CTNNA2: variants seen among roughly 807,000 people sequenced by gnomAD.
The protein encoded by CTNNA2 is catenin alpha-2.
In CTNNA2, 42 loss-of-function variants were observed where a neutral mutation model predicts 101.0. The ratio of observed to expected loss-of-function variants is 0.42; its 90% CI spans 0.32 to 0.54. CTNNA2 has a LOEUF of 0.54. CTNNA2 is among the 20% of genes least tolerant of loss of function. CTNNA2 has a pLI of 0.14. For missense variants in CTNNA2, 871 were observed against 1,223.1 expected (o/e 0.71, Z 4.29); for synonymous variants, 450 against 456.4 (o/e 0.99, Z 0.18).
intron 15 of CTNNA2, among the ~76,000 whole-genome samples, chr2:80,599,615 TTG>T (rs1697290038): frequency 6.6e-6 from 1 of 152,146 alleles, no homozygotes; most frequent in South Asian, 2.1e-4. Flanking sequence ...GTCACTAACT[TTG>T]TGCTCATTTA....
intron 2 of CTNNA2, among the ~76,000 whole-genome samples, chr2:79,228,188 C>G (rs1403542508): frequency 1.3e-5 from 2 of 152,162 alleles, no homozygotes; most frequent in Non-Finnish European, 2.9e-5. Context: ...TATGTCCTTG[C>G]TATTGTGAAT....
At chr2:79,460,563 T>A (rs1305353798) in intron 4 of CTNNA2, among the ~76,000 whole-genome samples, 1 of 152,208 alleles carries the variant, frequency 6.6e-6, no homozygotes, top group African/African-American at 2.4e-5. Context: ...CTCACCCGAA[T>A]TATTACTTCC....
At chr2:79,468,148 G>A (rs565254537) in intron 4 of CTNNA2, among the ~76,000 whole-genome samples, 58 of 152,230 alleles carry the variant, frequency 3.8e-4, no homozygotes, top group African/African-American at 1.3e-3. Context: ...TACATGCAGA[G>A]ACACACATAG....
intron 9 of CTNNA2, 82 bp from the exon 10 acceptor site, chr2:80,544,900 G>A: frequency 8.6e-7 from 1 of 1,162,338 alleles, no homozygotes. Context: ...AGAGACATCT[G>A]CCAGAGAAGG....
At chr2:80,063,558 TAC>T (rs1297347784) in intron 7 of CTNNA2, among the ~76,000 whole-genome samples, 1 of 152,252 alleles carries the variant, frequency 6.6e-6, no homozygotes, top group Non-Finnish European at 1.5e-5. Context: ...CGTAACTGTC[TAC>T]AGTTAGGACT....
At chr2:79,668,179 G>C (rs1056500915) in intron 2 of CTNNA2, among the ~76,000 whole-genome samples, 14 of 144,318 alleles carry the variant, frequency 9.7e-5, no homozygotes, top group African/African-American at 3.3e-4. Context: ...AGTGGAGCTT[G>C]CAGTGAGCCG....
At chr2:80,327,581 A>G (rs1670925348) in intron 7 of CTNNA2, among the ~76,000 whole-genome samples, 1 of 152,200 alleles carries the variant, frequency 6.6e-6, no homozygotes, top group South Asian at 2.1e-4. Context: ...CTTGATTATT[A>G]CTGTCATCAT....
Position 79,982,218 on chromosome 2 carries a change from ATATATATATATATATATATATATG to A in CTNNA2, c.1056+72425_1056+72448del, listed in dbSNP as rs1229922697. On this transcript the variant is annotated intron_variant, in intron 7 of 18. Transcript: ENST00000402739. ...TATATATATATATATATATATATAT[ATATATATATATATATATATATATG>A]TATGTATATGTACACACACACATAA... Among the ~76,000 whole-genome samples, 92 of 40,372 alleles carry A rather than the reference ATATATATATATATATATATATATG, an allele frequency of 2.3e-3. 6 individuals carry two copies. In the East Asian group the frequency reaches 0.024, roughly 10 times the overall value. The allele number at this position is 40,372 out of a possible 152,430, so 26.5% of individuals were successfully genotyped here. A position where few individuals can be genotyped will look rare whatever the true frequency, so the allele number is the denominator to read the frequency against.
chr2:80,602,279 A>G (rs1387832444), intron 15 of CTNNA2, among the ~76,000 whole-genome samples: 1 of 151,892 alleles, frequency 6.6e-6, no homozygotes. Flanking sequence ...TTCTTTGTCT[A>G]CAATATGGGG....
At chr2:79,780,332 A>C (rs1180307815) in intron 3 of CTNNA2, among the ~76,000 whole-genome samples, 1 of 152,220 alleles carries the variant, frequency 6.6e-6, no homozygotes, top group East Asian at 1.9e-4. Flanking sequence ...TCTGGCTCAG[A>C]ATAAATCTCT....
intron 2 of CTNNA2, among the ~76,000 whole-genome samples, chr2:79,690,418 C>A (rs555859125): frequency 6.6e-6 from 1 of 151,892 alleles, no homozygotes; most frequent in African/African-American, 2.4e-5. Context: ...TATTTCCATA[C>A]GAAAGGAAAT....
chr2:80,376,724 C>T (rs931691951), intron 7 of CTNNA2, among the ~76,000 whole-genome samples: 1 of 152,168 alleles, frequency 6.6e-6, no homozygotes, highest in African/African-American at 2.4e-5. Context: ...CAATTCCCTT[C>T]GAGGACTCCC....
At chr2:79,222,490 C>A (rs1283699866) in intron 2 of CTNNA2, among the ~76,000 whole-genome samples, 1 of 152,160 alleles carries the variant, frequency 6.6e-6, no homozygotes, top group Admixed American at 6.5e-5. Context: ...GCGAGCTGAC[C>A]CATCCAGCTT....
At chr2:80,190,916 G>T (rs1706459824) in intron 7 of CTNNA2, among the ~76,000 whole-genome samples, 1 of 152,118 alleles carries the variant, frequency 6.6e-6, no homozygotes, top group South Asian at 2.1e-4. Context: ...TTTATCCTAT[G>T]AGCTGTCCTG....
intron 2 of CTNNA2, among the ~76,000 whole-genome samples, chr2:79,706,853 G>A (rs780720934): frequency 7.2e-5 from 11 of 152,034 alleles, no homozygotes; most frequent in Non-Finnish European, 1.3e-4. Flanking sequence ...TTATTTCTTT[G>A]AAGTTCATTG....
intron 4 of CTNNA2, among the ~76,000 whole-genome samples, chr2:79,869,386 A>G (rs1682409688): frequency 6.6e-6 from 1 of 152,238 alleles, no homozygotes; most frequent in Admixed American, 6.5e-5. Flanking sequence ...TTGCAGATTC[A>G]TGCTGTCCTA....
chr2:79,899,750 A>G (rs1472240808), intron 6 of CTNNA2, among the ~76,000 whole-genome samples: 3 of 152,234 alleles, frequency 2.0e-5, no homozygotes, highest in Non-Finnish European at 2.9e-5. Context: ...AAAGTTATTT[A>G]TAAAATACTT....
At position 80,407,601 on chromosome 2, in the gene CTNNA2, C is replaced by A. The variant is rs556721394; in HGVS notation, c.1138-11848C>A. The stretch of plus-strand genomic sequence containing the variant: ...CCTTTACAGCGGAGAGTCTGCCAAT[C>A]CCTGCTCTAAAAGTAAACCTAGCTT... On this transcript the variant is annotated intron_variant, in intron 8 of 18. Coordinates refer to ENST00000402739, the MANE Select transcript of CTNNA2 (RefSeq NM_001282597.3). Among the ~76,000 whole-genome samples, 4 of 152,288 alleles carry A rather than the reference C, an allele frequency of 2.6e-5. No individual in the cohort carries two copies. The East Asian group carries it at 7.7e-4, about 29-fold the overall frequency.
intron 17 of CTNNA2, among the ~76,000 whole-genome samples, chr2:80,615,035 G>T (rs535529220): frequency 6.6e-6 from 1 of 151,338 alleles, no homozygotes; most frequent in African/African-American, 2.4e-5. Flanking sequence ...ACTGAAGTCT[G>T]TTGAAGAAAA....
Sources: gnomAD v4.1 joint callset for allele counts (sites outside exome capture counted in the v4.1 genomes callset) on GRCh38, gnomAD v4.1.1 for gene constraint, MANE v1.5 for transcripts, NCBI Gene and HGNC (gene_info 2026-07-23, HGNC 2026-07-21) for gene names.